The following SYN2 variants were observed in gnomAD, a reference collection of about 807,000 sequenced individuals.
SYN2 encodes synapsin-2.
In SYN2, 19 loss-of-function variants were observed where a neutral mutation model predicts 50.9. The ratio of observed to expected loss-of-function variants is 0.37; its 90% CI spans 0.26 to 0.55. SYN2 has a LOEUF of 0.55. Ranked by LOEUF, SYN2 falls within the 20% of genes least tolerant of loss-of-function variation. The probability of loss-of-function intolerance (pLI) is 0.81; values close to 1 mark genes in which losing one functional copy is unlikely to be tolerated. For synonymous variants in SYN2, 255 were observed against 224.9 expected (o/e 1.13, Z -1.20); for missense variants, 587 against 576.4 (o/e 1.02, Z -0.19).
chr3:12,109,355 A>G (rs1696268005), intron 1 of SYN2, among the ~76,000 whole-genome samples: 1 of 152,214 alleles, frequency 6.6e-6, no homozygotes, highest in African/African-American at 2.4e-5. Context: ...CTTCAGGGTT[A>G]TGAAGATTAC....
intron 1 of SYN2, among the ~76,000 whole-genome samples, chr3:12,049,311 G>A (rs1262698949): frequency 6.6e-6 from 1 of 152,016 alleles, no homozygotes; most frequent in East Asian, 1.9e-4. Flanking sequence ...CTGAGGTCAG[G>A]AGTTCAAGAC....
chr3:12,098,672 G>C (rs953462517), intron 1 of SYN2, among the ~76,000 whole-genome samples: 1 of 151,626 alleles, frequency 6.6e-6, no homozygotes, highest in African/African-American at 2.4e-5. Flanking sequence ...AAGATATAGG[G>C]AAAACAAGCA....
chr3:12,116,324 G>C (rs1349045762), intron 1 of SYN2, among the ~76,000 whole-genome samples: 2 of 152,182 alleles, frequency 1.3e-5, no homozygotes, highest in African/African-American at 4.8e-5. Context: ...AGAAAGGTTG[G>C]AAGAAGAGGG....
rs149234562 is a variant in SYN2 at position 12,102,053 on chromosome 3, T to A, written c.378-38598T>A. ...TGAGAAATCATGTATGATTGGACAG[T>A]CAGAGAAAGTGTTTTAAAGGAGGAC... is the stretch of plus-strand genomic sequence containing the variant. On this transcript the variant is annotated intron_variant, in intron 1 of 12. Transcript: ENST00000621198. 2.4e-3 allele frequency among the ~76,000 whole-genome samples: 370 copies of A among 152,254 alleles called. 1 individual carries two copies. The highest frequency in any genetic ancestry group is 3.8e-3 in the Non-Finnish European group (258 of 67,980).
intron 1 of SYN2, among the ~76,000 whole-genome samples, chr3:12,077,837 G>A (rs1488075516): frequency 6.6e-6 from 1 of 152,126 alleles, no homozygotes. Context: ...TATATACCCA[G>A]TAATGGGATT....
intron 4 of SYN2, among the ~76,000 whole-genome samples, chr3:12,147,158 G>A (rs308956): frequency 0.64 from 97,084 of 152,114 alleles, 33,630 homozygotes; most frequent in South Asian, 0.78. Flanking sequence ...AAGTTTCCAC[G>A]CCTTTACACC....
chr3:12,156,670 T>TC, intron 5 of SYN2: 2 of 584,906 alleles, frequency 3.4e-6, no homozygotes, highest in Non-Finnish European at 6.1e-6. Flanking sequence ...AACCCAGAGG[T>TC]TGTCTGTCAC....
intron 1 of SYN2, among the ~76,000 whole-genome samples, chr3:12,006,975 C>T (rs538418204): frequency 2.2e-4 from 34 of 152,268 alleles, no homozygotes; most frequent in African/African-American, 7.9e-4. Context: ...GTACCTTGTC[C>T]TGATTTCTTA....
chr3:12,085,995 ATT>A (rs1695692782), intron 1 of SYN2, among the ~76,000 whole-genome samples: 1 of 152,158 alleles, frequency 6.6e-6, no homozygotes, highest in African/African-American at 2.4e-5. Context: ...TATTGACAGT[ATT>A]TTAGCTAGAC....
intron 1 of SYN2, among the ~76,000 whole-genome samples, chr3:12,050,115 G>A (rs1694823439): frequency 6.6e-6 from 1 of 152,016 alleles, no homozygotes; most frequent in Admixed American, 6.5e-5. Flanking sequence ...TGGTCAGGCT[G>A]GTCTCGAACT....
intron 12 of SYN2, 114 bp from the exon 13 acceptor site, chr3:12,190,376 T>G: frequency 8.1e-7 from 1 of 1,228,442 alleles, no homozygotes; most frequent in Non-Finnish European, 1.2e-6. Context: ...CTCCATCACC[T>G]TGGTTTCCCA....
At chr3:12,035,510 T>A (rs454615) in intron 1 of SYN2, among the ~76,000 whole-genome samples, 1 of 152,158 alleles carries the variant, frequency 6.6e-6, no homozygotes, top group Non-Finnish European at 1.5e-5. Flanking sequence ...ACAGCTAATG[T>A]GTAATACCTG....
Position 12,187,494 on chromosome 3 carries a change from C to T in SYN2, c.1495C>T (p.Gln499Ter), listed in dbSNP as rs1449321527. 1.9e-6 allele frequency: 3 copies of T among 1,554,134 alleles called. No homozygotes were observed. Among genetic ancestry groups the T allele is most frequent in the Admixed American group, 3.9e-5 (2 of 51,202 alleles). The change falls in exon 12 of 13, where the codon CAG becomes TAG. Residue 499 changes from glutamine to a stop codon, truncating the protein, a stop_gained. Coordinates refer to ENST00000621198, the MANE Select transcript of SYN2 (RefSeq NM_133625.6). LOFTEE classifies it high-confidence loss of function. ...CTCTTCTTCCTCCTCCTCGGCTCCT[C>T]AGCGGCCGGGCGGCCCCACCACCCA... ...SSSSSSSSAPQRPGGPTTHGD... is the reference protein window; with the variant it reads ...SSSSSSSSAP
chr3:12,023,679 T>C (rs1281828110), intron 1 of SYN2, among the ~76,000 whole-genome samples: 1 of 152,068 alleles, frequency 6.6e-6, no homozygotes, highest in Admixed American at 6.5e-5. Flanking sequence ...CAGTAGAAAG[T>C]TGTGAAGGTT....
chr3:12,004,982 G>A, intron 1 of SYN2, 54 bp downstream of exon 1: 1 of 456,824 alleles, frequency 2.2e-6, no homozygotes, highest in Non-Finnish European at 3.8e-6. Flanking sequence ...GCAGCCGCAG[G>A]CCAGGAGAGG....
At chr3:12,040,687 A>G (rs1471796252) in intron 1 of SYN2, among the ~76,000 whole-genome samples, 1 of 152,040 alleles carries the variant, frequency 6.6e-6, no homozygotes, top group Non-Finnish European at 1.5e-5. Context: ...TTTTATTACT[A>G]GGCTTTATAA....
intron 4 of SYN2, among the ~76,000 whole-genome samples, chr3:12,150,737 T>C (rs1574969063): frequency 6.6e-6 from 1 of 152,312 alleles, no homozygotes; most frequent in African/African-American, 2.4e-5. Context: ...TGCCTCCTGC[T>C]CAAATTCTTG....
intron 1 of SYN2, 113 bp downstream of exon 1, chr3:12,005,041 T>G: frequency 8.0e-6 from 3 of 377,102 alleles, no homozygotes; most frequent in South Asian, 1.0e-4. Flanking sequence ...AAAAGGAGGG[T>G]CCCCGAGGTC....
intron 4 of SYN2, among the ~76,000 whole-genome samples, chr3:12,148,354 G>A (rs1158231316): frequency 1.3e-5 from 2 of 152,204 alleles, no homozygotes; most frequent in Non-Finnish European, 2.9e-5. Flanking sequence ...CAAAGCAGCT[G>A]CCACATGAAT....
Sources: allele counts gnomAD v4.1 joint callset (sites outside exome capture counted in the v4.1 genomes callset), GRCh38; gene constraint gnomAD v4.1.1; transcripts MANE v1.5; gene names NCBI Gene and HGNC (gene_info 2026-07-23, HGNC 2026-07-21).